SEC23B: variants seen among roughly 807,000 people sequenced by gnomAD.
SEC23B encodes the protein SEC23 homolog B, COPII component.
SEC23B carries 77 observed loss-of-function variants against 104.3 expected under a neutral mutation model. That is an observed-to-expected ratio of 0.74 (90% CI 0.61 to 0.89). The LOEUF is 0.89. SEC23B is among the 40% of genes least tolerant of loss of function. The pLI is 0.00. For missense variants in SEC23B, 885 were observed against 949.4 expected, an observed-to-expected ratio of 0.93 and a Z score of 0.89; for synonymous variants, 338 against 332.5, an observed-to-expected ratio of 1.02 and a Z score of -0.18.
intron 6 of SEC23B, among the ~76,000 whole-genome samples, 173 bp downstream of exon 6, chr20:18,525,193 G>T (rs1179956077): frequency 1.3e-5 from 2 of 152,202 alleles, no homozygotes; most frequent in Non-Finnish European, 2.9e-5. Flanking sequence ...AGACCACTGT[G>T]CTCAATTGCT....
At chr20:18,512,318 T>C (rs112776012) in intron 3 of SEC23B, 36 bp downstream of exon 3, 2 of 1,331,326 alleles carry the variant, frequency 1.5e-6, no homozygotes. Flanking sequence ...TTATATGTTT[T>C]ATTTTAGTTG....
intron 17 of SEC23B, among the ~76,000 whole-genome samples, chr20:18,551,488 C>T (rs1270332063): frequency 6.6e-6 from 1 of 152,064 alleles, no homozygotes; most frequent in East Asian, 1.9e-4. Context: ...CTGAGGTGGG[C>T]AGATCACCTG....
intron 18 of SEC23B, 126 bp downstream of exon 18, chr20:18,554,516 A>C: frequency 7.9e-7 from 1 of 1,270,502 alleles, no homozygotes; most frequent in South Asian, 1.2e-5. Context: ...GTAATCTTCC[A>C]AATATGACTT....
chr20:18,531,301 A>G (rs1476684339), intron 10 of SEC23B, among the ~76,000 whole-genome samples: 1 of 152,204 alleles, frequency 6.6e-6, no homozygotes, highest in Non-Finnish European at 1.5e-5. Context: ...AGCATGGCTC[A>G]CTGCATTGCA....
intron 11 of SEC23B, 53 bp from the exon 12 acceptor site, chr20:18,535,600 C>T (rs1340626645): frequency 5.6e-6 from 8 of 1,435,244 alleles, no homozygotes; most frequent in South Asian, 1.2e-5. Context: ...TAGCAATTAA[C>T]CACAGGGATG....
At chr20:18,515,382 C>T (rs1171999976) in intron 3 of SEC23B, among the ~76,000 whole-genome samples, 2 of 152,174 alleles carry the variant, frequency 1.3e-5, no homozygotes, top group African/African-American at 4.8e-5. Context: ...GCAATCATGG[C>T]TCACTGCAGC....
intron 15 of SEC23B, among the ~76,000 whole-genome samples, chr20:18,547,029 C>A (rs534887705): frequency 1.3e-5 from 2 of 151,904 alleles, no homozygotes; most frequent in Admixed American, 1.3e-4. Flanking sequence ...TGTACCACCC[C>A]CACACTGGGT....
At chr20:18,552,242 A>T (rs184494379) in intron 17 of SEC23B, among the ~76,000 whole-genome samples, 1 of 152,200 alleles carries the variant, frequency 6.6e-6, no homozygotes, top group African/African-American at 2.4e-5. Flanking sequence ...TTCCTTCAGT[A>T]ACTTAGGAAG....
At chr20:18,545,647 A>G (rs1219252380) in intron 14 of SEC23B, among the ~76,000 whole-genome samples, 2 of 152,180 alleles carry the variant, frequency 1.3e-5, no homozygotes, top group Non-Finnish European at 2.9e-5. Context: ...GGGTTTTCAT[A>G]TGGAACAGGT....
At chr20:18,522,110 C>T (rs1164596525) in intron 4 of SEC23B, among the ~76,000 whole-genome samples, 1 of 152,098 alleles carries the variant, frequency 6.6e-6, no homozygotes, top group South Asian at 2.1e-4. Flanking sequence ...GAAGTTTGCA[C>T]ATAGTGAAGG....
At chr20:18,519,444 C>T (rs1273427873) in intron 4 of SEC23B, among the ~76,000 whole-genome samples, 1 of 152,186 alleles carries the variant, frequency 6.6e-6, no homozygotes, top group Non-Finnish European at 1.5e-5. Flanking sequence ...TTTTGAGGGT[C>T]TCTAAAAGTA....
intron 18 of SEC23B, among the ~76,000 whole-genome samples, chr20:18,554,598 C>T (rs538765895): frequency 1.1e-4 from 16 of 152,108 alleles, no homozygotes; most frequent in East Asian, 7.7e-4. Context: ...GAGGCCGAGG[C>T]GGGCGGATCA....
rs778016282 is a variant in SEC23B, at chr20:18,543,167, C to T, written c.1660C>T (p.Arg554Ter). Reference sequence around the variant, plus strand: ...CCGGTGGCTGGACCGACAACTCATCCGACTGGTAAATTGGGGACAGTGGCA... The same window carrying T: ...CCGGTGGCTGGACCGACAACTCATCTGACTGGTAAATTGGGGACAGTGGCA... ...VLRWLDRQLI[R>*]LCQKFGQYNK... The change falls in exon 14 of 20, where the codon CGA becomes TGA. Residue 554 changes from arginine to a stop codon, truncating the protein, a stop_gained. Transcript: ENST00000650089. LOFTEE classifies it high-confidence loss of function. 9.9e-6 allele frequency: 16 copies of T among 1,613,986 alleles called. No homozygotes were observed. The highest frequency in any genetic ancestry group is 6.7e-5 in the Admixed American group (4 of 59,986).
chr20:18,541,349 T>A (rs1184506243), intron 12 of SEC23B, among the ~76,000 whole-genome samples: 1 of 152,266 alleles, frequency 6.6e-6, no homozygotes, highest in Non-Finnish European at 1.5e-5. Flanking sequence ...CACTTTTAAT[T>A]TCCTTCAAGA....
chr20:18,539,990 T>C (rs1308604360), intron 12 of SEC23B, among the ~76,000 whole-genome samples: 2 of 148,354 alleles, frequency 1.3e-5, no homozygotes, highest in Non-Finnish European at 3.0e-5. Flanking sequence ...CCACCACATC[T>C]TCAGTGACTT....
intron 19 of SEC23B, among the ~76,000 whole-genome samples, chr20:18,560,217 A>G (rs1337760328): frequency 2.0e-5 from 3 of 151,866 alleles, no homozygotes; most frequent in African/African-American, 7.3e-5. Flanking sequence ...GCTTTTTCTG[A>G]TATTTGAAAT....
chr20:18,511,028 A>G lies in SEC23B; in HGVS notation c.193A>G (p.Thr65Ala). ...TGAACCTGTGCTTTGCAGCAGGCCA[A>G]CTTGTAAAGCTGTTCTCAACCCACT... ...QYEPVLCSRP[T>A]CKAVLNPLCQ... The change falls in exon 2 of 20, where the codon ACT becomes GCT. Residue 65 changes from threonine (T) to alanine (A), a missense_variant. Coordinates refer to ENST00000650089, the MANE Select transcript of SEC23B (RefSeq NM_006363.6). 1 of 1,614,084 alleles carries G rather than the reference A, an allele frequency of 6.2e-7. No individual in the cohort carries two copies. The highest frequency in any genetic ancestry group is 1.1e-5 in the South Asian group (1 of 91,082).
At chr20:18,557,745 C>CTTTTTTTTTTTTTTTTTTTTTTTTTTT (rs11477198) in intron 19 of SEC23B, among the ~76,000 whole-genome samples, 1 of 116,824 alleles carries the variant, frequency 8.6e-6, no homozygotes, top group African/African-American at 3.1e-5. Flanking sequence ...TTTTTCTTTT[C>CTTTTTTTTTTTTTTTTTTTTTTTTTTT]TTTTTTTTTT....
chr20:18,554,969 ATTCTAAT>A lies in SEC23B; in HGVS notation c.2149-137_2149-131del. 5.1e-4 allele frequency: 36 copies of A among 70,040 alleles called. 16 individuals carry two copies. Among genetic ancestry groups the A allele is most frequent in the South Asian group, 2.5e-3 (12 of 4,840 alleles). The allele number at this position is 70,040 out of a possible 1,614,324, so 4.3% of individuals were successfully genotyped here. On this transcript the variant is annotated intron_variant, in intron 18 of 19. Transcript: ENST00000650089. ...AAATAGATTACTGTGCAGTAAAACA[ATTCTAAT>A]TAGATTACTGTGCAGTAAAACAATT...
Sources: gnomAD v4.1 joint callset for allele counts (sites outside exome capture counted in the v4.1 genomes callset) on GRCh38, gnomAD v4.1.1 for gene constraint, MANE v1.5 for transcripts, NCBI Gene and HGNC (gene_info 2026-07-23, HGNC 2026-07-21) for gene names.